Variants in PCDHA6 observed in about 807,000 individuals in gnomAD.
The protein encoded by PCDHA6 is protocadherin alpha-6.
In PCDHA6, 55 loss-of-function variants were observed where a neutral mutation model predicts 60.3. That is an observed-to-expected ratio of 0.91 (90% CI 0.73 to 1.14). PCDHA6 has a LOEUF of 1.14. Ranked by LOEUF, PCDHA6 falls within the 50% of genes most tolerant of loss-of-function variation. The probability of loss-of-function intolerance (pLI) is 0.00; values close to 1 mark genes in which losing one functional copy is unlikely to be tolerated. For synonymous variants in PCDHA6, 652 were observed against 557.9 expected, an observed-to-expected ratio of 1.17 and a Z score of -2.38; for missense variants, 1,327 against 1,256.5, an observed-to-expected ratio of 1.06 and a Z score of -0.85.
At chr5:140,993,460 T>TCACA (rs1554253699) in intron 3 of PCDHA6, among the ~76,000 whole-genome samples, 76 of 104,564 alleles carry the variant, frequency 7.3e-4, no homozygotes, top group Admixed American at 2.0e-3. Context: ...CTTCTTTCTT[T>TCACA]CTCACACACA....
chr5:140,858,415 T>C lies in PCDHA6; in HGVS notation c.2394+27930T>C. Reference sequence around the variant, plus strand: ...ATGTGGACGGGGAAGATCAGTCTATTGGAGGGGACCACTCTAGGAAGGTGG... The same window carrying C: ...ATGTGGACGGGGAAGATCAGTCTATCGGAGGGGACCACTCTAGGAAGGTGG... On this transcript the variant is annotated intron_variant, in intron 1 of 3. Transcript: ENST00000529310. 1.9e-6 allele frequency: 3 copies of C among 1,561,830 alleles called. 1 individual carries two copies. The highest frequency in any genetic ancestry group is 2.6e-6 in the Non-Finnish European group (3 of 1,145,536).
At chr5:140,882,228 T>C in intron 1 of PCDHA6, 8 of 1,564,682 alleles carry the variant, frequency 5.1e-6, no homozygotes, top group Non-Finnish European at 6.9e-6. Flanking sequence ...GGTAAGGCGT[T>C]GTATATATTG....
chr5:140,896,854 C>T (rs1211925701), intron 1 of PCDHA6, among the ~76,000 whole-genome samples: 4 of 152,004 alleles, frequency 2.6e-5, no homozygotes, highest in Non-Finnish European at 5.9e-5. Context: ...TTTATGGGTA[C>T]ATAATAAGTG....
chr5:140,890,434 T>C (rs1368664447), intron 1 of PCDHA6, among the ~76,000 whole-genome samples: 2 of 152,226 alleles, frequency 1.3e-5, no homozygotes, highest in Non-Finnish European at 2.9e-5. Flanking sequence ...ATATTTACAA[T>C]ACCTAGTGAT....
At chr5:140,982,191 T>G (rs1431582069) in intron 2 of PCDHA6, among the ~76,000 whole-genome samples, 1 of 152,266 alleles carries the variant, frequency 6.6e-6, no homozygotes, top group African/African-American at 2.4e-5. Context: ...ATGGGCTTCC[T>G]GTTAGATTTA....
chr5:140,871,522 A>T, intron 1 of PCDHA6: 1 of 1,549,186 alleles, frequency 6.5e-7, no homozygotes, highest in Non-Finnish European at 8.7e-7. Flanking sequence ...TCCACCTATC[A>T]GGAAGTGTAT....
chr5:140,870,428 T>C, intron 1 of PCDHA6: 3 of 1,614,126 alleles, frequency 1.9e-6, no homozygotes, highest in Non-Finnish European at 2.5e-6. Flanking sequence ...AGGGTATCCG[T>C]GGAGGTGGCC....
chr5:140,975,244 A>G (rs934948446), intron 1 of PCDHA6, among the ~76,000 whole-genome samples: 6 of 152,120 alleles, frequency 3.9e-5, no homozygotes. Flanking sequence ...AATCCCTCTT[A>G]TGCTTCAGAT....
intron 3 of PCDHA6, among the ~76,000 whole-genome samples, chr5:140,984,358 A>G (rs1443365008): frequency 1.3e-5 from 2 of 152,234 alleles, no homozygotes; most frequent in Admixed American, 1.3e-4. Flanking sequence ...TATTTCATAC[A>G]TCTGGCCAAG....
rs2150473987 is a variant in PCDHA6 at position 140,850,218 on chromosome 5, G to C, written c.2394+19733G>C. ...GACACCTCGGATGAGGGGCACTGAC[G>C]GCGCAGTGAGCGAGATGGTGCTGCG... is the stretch of plus-strand genomic sequence containing the variant. On this transcript the variant is annotated intron_variant, in intron 1 of 3. Transcript: ENST00000529310. 11 of 1,593,684 alleles carry C rather than the reference G, an allele frequency of 6.9e-6. 1 individual carries two copies. The highest frequency in any genetic ancestry group is 4.4e-5 in the South Asian group (4 of 90,424).
At chr5:140,869,174 G>A (rs2050887580) in intron 1 of PCDHA6, 1 of 1,613,958 alleles carries the variant, frequency 6.2e-7, no homozygotes, top group Non-Finnish European at 8.5e-7. Flanking sequence ...CTCGAATTCT[G>A]GGAGGTGGGG....
intron 1 of PCDHA6, among the ~76,000 whole-genome samples, chr5:140,977,966 G>A (rs562447024): frequency 3.9e-5 from 6 of 152,004 alleles, no homozygotes; most frequent in South Asian, 4.2e-4. Context: ...CTCAATCTCC[G>A]CCCATGAAAA....
chr5:140,952,416 G>T (rs114343205), intron 1 of PCDHA6, among the ~76,000 whole-genome samples: 1 of 151,730 alleles, frequency 6.6e-6, no homozygotes, highest in Non-Finnish European at 1.5e-5. Context: ...TTAATGTTCC[G>T]CAGATTCCTA....
At chr5:140,857,489 G>A (rs1168742927) in intron 1 of PCDHA6, 3 of 1,598,334 alleles carry the variant, frequency 1.9e-6, no homozygotes, top group African/African-American at 1.3e-5. Context: ...TGCGTGGGAC[G>A]CGGACGCGCA....
In PCDHA6 at chr5:140,929,084, T is replaced by C; in HGVS notation, c.2395-49865T>C. On this transcript the variant is annotated intron_variant, in intron 1 of 3. Transcript: ENST00000529310. ...GAGGATCTGAGGTATGGAAGTAAGATGGTTTCAAATCCTTGCATGACATCA... is the reference window on the plus strand; with the variant it reads ...GAGGATCTGAGGTATGGAAGTAAGACGGTTTCAAATCCTTGCATGACATCA... The C allele has an allele frequency of 1.9e-6, 3 of 1,614,160 alleles. No individual in the cohort carries two copies. The South Asian group carries it at 3.3e-5, about 18-fold the overall frequency.
intron 2 of PCDHA6, 141 bp downstream of exon 2, chr5:140,979,148 C>G: frequency 6.9e-7 from 1 of 1,441,158 alleles, no homozygotes; most frequent in South Asian, 1.5e-5. Context: ...TTATTTTGTC[C>G]CCATGTTTAT....
At chr5:140,964,401 G>A (rs1230382796) in intron 1 of PCDHA6, among the ~76,000 whole-genome samples, 6 of 152,166 alleles carry the variant, frequency 3.9e-5, no homozygotes, top group Admixed American at 2.0e-4. Flanking sequence ...CCCAAGACAT[G>A]ACATTTGGGG....
At chr5:140,846,321 T>C (rs1780323093) in intron 1 of PCDHA6, among the ~76,000 whole-genome samples, 1 of 149,102 alleles carries the variant, frequency 6.7e-6, no homozygotes, top group Admixed American at 6.7e-5. Context: ...TGTAGAGTGT[T>C]GTAAATAGCC....
At chr5:140,871,265 G>A (rs2052892595) in intron 1 of PCDHA6, 8 of 1,613,978 alleles carry the variant, frequency 5.0e-6, no homozygotes, top group Non-Finnish European at 6.8e-6. Flanking sequence ...ACGGCGCTGT[G>A]GTGGTCGGCA....
Sources: gnomAD v4.1 joint callset for allele counts (sites outside exome capture counted in the v4.1 genomes callset) on GRCh38, gnomAD v4.1.1 for gene constraint, MANE v1.5 for transcripts, NCBI Gene and HGNC (gene_info 2026-07-23, HGNC 2026-07-21) for gene names.